Variants in CCDC141 observed in about 807,000 individuals in gnomAD.
The protein encoded by CCDC141 is coiled-coil domain-containing protein 141.
CCDC141 carries 168 observed loss-of-function variants against 181.0 expected under a neutral mutation model. The observed-to-expected ratio is 0.93, with a 90% CI of 0.82 to 1.05. CCDC141 has a LOEUF of 1.05. Ranked by LOEUF, CCDC141 falls within the 50% of genes least tolerant of loss-of-function variation. CCDC141 has a pLI of 0.00. For synonymous variants in CCDC141, 666 were observed against 642.3 expected (o/e 1.04, Z -0.56); for missense variants, 1,902 against 1,788.5 (o/e 1.06, Z -1.14).
At chr2:178,971,002 G>A (rs1231937838) in intron 4 of CCDC141, among the ~76,000 whole-genome samples, 1 of 152,190 alleles carries the variant, frequency 6.6e-6, no homozygotes, top group Admixed American at 6.5e-5. Context: ...GAAGTCAGGA[G>A]TTTGAGACCA....
intron 6 of CCDC141, among the ~76,000 whole-genome samples, chr2:178,928,610 T>C (rs2154375619): frequency 6.6e-6 from 1 of 152,342 alleles, no homozygotes; most frequent in Non-Finnish European, 1.5e-5. Context: ...CTAAAAATAC[T>C]TTTCTAAGCA....
In CCDC141 at chr2:178,906,787, G is replaced by A. The variant is rs1286110612; in HGVS notation, c.1093-1286C>T. Among the ~76,000 whole-genome samples, 4 of 152,304 alleles carry A rather than the reference G, an allele frequency of 2.6e-5. No individual in the cohort carries two copies. In the East Asian group the frequency reaches 7.7e-4, roughly 29 times the overall value. ...TCCAGTACCACTAAGACCTGAAGGAGACCAGGCGAGCAAGGTTGAGCTGGT... is the reference window on the plus strand; with the variant it reads ...TCCAGTACCACTAAGACCTGAAGGAAACCAGGCGAGCAAGGTTGAGCTGGT... On this transcript the variant is annotated intron_variant, in intron 7 of 23. Coordinates refer to ENST00000443758, the MANE Select transcript of CCDC141 (RefSeq NM_173648.4).
rs13019863 is a variant in CCDC141 at position 178,884,894 on chromosome 2, A to G, written c.1719+7T>C. On this transcript the variant is annotated splice_region_variant and intron_variant, in intron 11 of 23. Transcript: ENST00000443758. ...TTGCTGAAGAAGGTTAACACATAGT[A>G]CCATACCTCCTCTGATGACTTCAGA... The G allele has an allele frequency of 1.4e-4, 213 of 1,549,614 alleles. No individual in the cohort carries two copies. The African/African-American group carries it at 2.8e-3, about 20-fold the overall frequency.
At chr2:178,934,142 G>A (rs143669496) in intron 6 of CCDC141, among the ~76,000 whole-genome samples, 209 of 152,134 alleles carry the variant, frequency 1.4e-3, no homozygotes, top group African/African-American at 4.5e-3. Context: ...TGCAGCCAGA[G>A]TTGAGAAACA....
intron 8 of CCDC141, among the ~76,000 whole-genome samples, chr2:178,896,857 T>A (rs1400721489): frequency 6.6e-6 from 1 of 152,134 alleles, no homozygotes; most frequent in African/African-American, 2.4e-5. Context: ...AGGATTAAAT[T>A]AATTTATGTC....
chr2:178,939,412 T>A (rs1293816418), intron 6 of CCDC141, among the ~76,000 whole-genome samples: 1 of 152,126 alleles, frequency 6.6e-6, no homozygotes, highest in African/African-American at 2.4e-5. Flanking sequence ...TAAGGTTGGA[T>A]GCCATAGTCA....
At chr2:178,903,818 C>T (rs2154372782) in intron 8 of CCDC141, among the ~76,000 whole-genome samples, 1 of 151,278 alleles carries the variant, frequency 6.6e-6, no homozygotes, top group African/African-American at 2.4e-5. Flanking sequence ...AGGGAACATG[C>T]CGCAAGCAAA....
Position 178,918,725 on chromosome 2 carries a change from G to A in CCDC141, c.1080C>T (p.Asn360=). ...ACCTCACACTGACCTTGTTAGCACT[G>A]TTAAAAAATTCATTCGCCTTCTTTA... ...TWLKKANEFF[N]SANKAFDVLG... The change falls in exon 7 of 24, where the codon AAC becomes AAT. Residue 360 remains asparagine, a synonymous_variant. Coordinates refer to ENST00000443758, the MANE Select transcript of CCDC141 (RefSeq NM_173648.4). 1 of 1,550,412 alleles carries A rather than the reference G, an allele frequency of 6.4e-7. No individual in the cohort carries two copies. The highest frequency in any genetic ancestry group is 8.7e-7 in the Non-Finnish European group (1 of 1,146,886).
chr2:178,827,553 T>A (rs968755436), downstream of CCDC141, among the ~76,000 whole-genome samples: 1 of 152,194 alleles, frequency 6.6e-6, no homozygotes, highest in Non-Finnish European at 1.5e-5. Flanking sequence ...TAGAACTCTT[T>A]GCACCATAGT....
chr2:179,033,935 G>A (rs2043067717), intron 2 of CCDC141, among the ~76,000 whole-genome samples: 1 of 152,070 alleles, frequency 6.6e-6, no homozygotes. Context: ...CTGGGGCTCA[G>A]CATAATATTT....
At chr2:179,012,066 T>C (rs558054928) in intron 2 of CCDC141, among the ~76,000 whole-genome samples, 1 of 151,874 alleles carries the variant, frequency 6.6e-6, no homozygotes, top group Non-Finnish European at 1.5e-5. Flanking sequence ...TAAGGAACTA[T>C]AGAAACAAGA....
intron 6 of CCDC141, among the ~76,000 whole-genome samples, chr2:178,922,723 A>G (rs1451019611): frequency 6.6e-6 from 1 of 152,252 alleles, no homozygotes; most frequent in East Asian, 1.9e-4. Flanking sequence ...TGCCTTCAGT[A>G]TAAATTTTGC....
At chr2:178,923,299 T>A (rs533165460) in intron 6 of CCDC141, among the ~76,000 whole-genome samples, 1 of 150,852 alleles carries the variant, frequency 6.6e-6, no homozygotes, top group Admixed American at 6.6e-5. Context: ...AGAGACGGGG[T>A]TTCACCATTT....
Position 179,022,416 on chromosome 2 carries a change from C to T in CCDC141, c.225+24868G>A, listed in dbSNP as rs1025499105. 8.5e-5 allele frequency among the ~76,000 whole-genome samples: 13 copies of T among 152,186 alleles called. No homozygotes were observed. In the East Asian group the frequency reaches 9.6e-4, roughly 11 times the overall value. On this transcript the variant is annotated intron_variant, in intron 2 of 23. Transcript: ENST00000443758. ...TAAATAAATACGAGCACTAAGCTAA[C>T]GTCTGTTCACAGGATGAAGCCAAAG...
At chr2:179,003,056 GC>G (rs1163980306) in intron 2 of CCDC141, among the ~76,000 whole-genome samples, 1 of 152,076 alleles carries the variant, frequency 6.6e-6, no homozygotes, top group Non-Finnish European at 1.5e-5. Flanking sequence ...GATCTATTTT[GC>G]CCAGTGATTG....
chr2:178,990,584 TGGAGGGGAGG>T lies in CCDC141; in HGVS notation c.226-11919_226-11910del, dbSNP rs199693487. Among the ~76,000 whole-genome samples, 32 of 28,562 alleles carry T rather than the reference TGGAGGGGAGG, an allele frequency of 1.1e-3. No individual in the cohort carries two copies. In the South Asian group the frequency reaches 0.013, roughly 11 times the overall value. 18.7% of individuals were successfully genotyped at this position (28,562 alleles called of 152,430 possible). A position where few individuals can be genotyped will look rare whatever the true frequency, so the allele number is the denominator to read the frequency against. On this transcript the variant is annotated intron_variant, in intron 2 of 23. Coordinates refer to ENST00000443758, the MANE Select transcript of CCDC141 (RefSeq NM_173648.4). ...AGGAAAAAAGAGAAGGGGAGGGGAG[TGGAGGGGAGG>T]GGAGGGGAGGGGAGGGAAGGGAAGG...
At chr2:178,871,120 G>C (rs536997690) in intron 14 of CCDC141, among the ~76,000 whole-genome samples, 42 of 152,224 alleles carry the variant, frequency 2.8e-4, no homozygotes, top group African/African-American at 9.6e-4. Flanking sequence ...CACTCCCAAG[G>C]AAAAGAATTA....
intron 7 of CCDC141, among the ~76,000 whole-genome samples, chr2:178,911,717 C>T (rs929810552): frequency 9.2e-5 from 14 of 152,210 alleles, no homozygotes; most frequent in East Asian, 5.8e-4. Context: ...TTCATTCATC[C>T]GACAAAAGTT....
At chr2:178,860,050 AC>A (rs1223766833) in intron 17 of CCDC141, among the ~76,000 whole-genome samples, 1 of 152,220 alleles carries the variant, frequency 6.6e-6, no homozygotes, top group Admixed American at 6.5e-5. Context: ...GAACTATGGC[AC>A]ATGTTTGGCC....
Sources: gnomAD v4.1 joint callset for allele counts (sites outside exome capture counted in the v4.1 genomes callset) on GRCh38, gnomAD v4.1.1 for gene constraint, MANE v1.5 for transcripts, NCBI Gene and HGNC (gene_info 2026-07-23, HGNC 2026-07-21) for gene names.